ELF1: variants seen among roughly 807,000 people sequenced by gnomAD.
The protein encoded by ELF1 is E74 like ETS transcription factor 1, also known as ETS-related transcription factor Elf-1.
Under a neutral mutation model 59.9 loss-of-function variants are expected in ELF1, and 24 were observed. The observed-to-expected ratio is 0.40, with a 90% CI of 0.29 to 0.56. ELF1 has a LOEUF of 0.56. Ranked by LOEUF, ELF1 falls within the 20% of genes least tolerant of loss-of-function variation. ELF1 has a pLI of 0.44. For synonymous variants in ELF1, 248 were observed against 266.2 expected, an observed-to-expected ratio of 0.93 and a Z score of 0.67; for missense variants, 627 against 742.2, an observed-to-expected ratio of 0.84 and a Z score of 1.80.
intron 1 of ELF1, among the ~76,000 whole-genome samples, chr13:40,993,801 A>G (rs1873997230): frequency 6.6e-6 from 1 of 152,072 alleles, no homozygotes; most frequent in South Asian, 2.1e-4. Flanking sequence ...TTTAATTTAA[A>G]TTAGGCATTT....
At chr13:40,956,919 T>A (rs911762999) in intron 3 of ELF1, among the ~76,000 whole-genome samples, 3 of 151,584 alleles carry the variant, frequency 2.0e-5, no homozygotes, top group African/African-American at 7.3e-5. Context: ...CTCGAACTCC[T>A]GACCTCAAGT....
chr13:40,955,771 GC>G (rs1871335178), intron 3 of ELF1, among the ~76,000 whole-genome samples: 4 of 124,844 alleles, frequency 3.2e-5, no homozygotes, highest in African/African-American at 6.0e-5. Context: ...CGGGAGGGAG[GC>G]GGGGGGGTCA....
chr13:40,999,401 C>T (rs1874290192), intron 1 of ELF1, among the ~76,000 whole-genome samples: 1 of 152,048 alleles, frequency 6.6e-6, no homozygotes, highest in Non-Finnish European at 1.5e-5. Flanking sequence ...TGTATGCGTA[C>T]GTGAATGCCG....
intron 1 of ELF1, among the ~76,000 whole-genome samples, chr13:40,997,203 A>C (rs1268070896): frequency 6.6e-6 from 1 of 152,044 alleles, no homozygotes; most frequent in African/African-American, 2.4e-5. Flanking sequence ...GTGAAAAAAA[A>C]CCCTGAATGA....
intron 2 of ELF1, among the ~76,000 whole-genome samples, chr13:40,973,243 T>C (rs2138241471): frequency 6.6e-6 from 1 of 152,316 alleles, no homozygotes; most frequent in Non-Finnish European, 1.5e-5. Context: ...ACTTTCAACA[T>C]CACATTTAGT....
chr13:41,047,578 A>C (rs532505491), intron 1 of ELF1, among the ~76,000 whole-genome samples: 9 of 152,322 alleles, frequency 5.9e-5, no homozygotes, highest in East Asian at 1.9e-4. Flanking sequence ...TCAGCAGCAG[A>C]GGCTGCAGAA....
At chr13:41,002,913 T>C (rs1375390278) in intron 1 of ELF1, among the ~76,000 whole-genome samples, 4 of 152,126 alleles carry the variant, frequency 2.6e-5, no homozygotes, top group African/African-American at 9.6e-5. Flanking sequence ...AGACATATAA[T>C]AAATTTTTCT....
intron 3 of ELF1, among the ~76,000 whole-genome samples, chr13:40,955,511 C>A (rs1446282747): frequency 9.8e-6 from 1 of 101,568 alleles, no homozygotes; most frequent in African/African-American, 3.7e-5. Context: ...GTGAGGAGTC[C>A]CTCTGCCCGG....
chr13:41,017,388 T>C (rs972572320), intron 1 of ELF1, among the ~76,000 whole-genome samples: 1 of 152,206 alleles, frequency 6.6e-6, no homozygotes, highest in African/African-American at 2.4e-5. Flanking sequence ...TGTGGGCCAC[T>C]GTTTCTTCAT....
chr13:40,959,775 C>CT (rs1418359965), intron 2 of ELF1, among the ~76,000 whole-genome samples: 1 of 152,026 alleles, frequency 6.6e-6, no homozygotes, highest in African/African-American at 2.4e-5. Context: ...CTCCTAATGT[C>CT]TAGTTATAAT....
intron 1 of ELF1, among the ~76,000 whole-genome samples, chr13:41,045,486 T>G (rs1250453641): frequency 1.3e-5 from 2 of 152,214 alleles, no homozygotes; most frequent in Non-Finnish European, 2.9e-5. Context: ...TCTGGTATGT[T>G]GTGTCTTTGT....
At chr13:41,035,267 C>T (rs1205946642) in intron 1 of ELF1, among the ~76,000 whole-genome samples, 4 of 152,208 alleles carry the variant, frequency 2.6e-5, no homozygotes, top group Non-Finnish European at 4.4e-5. Context: ...AAGAACATTA[C>T]ATTCCGTATC....
intron 1 of ELF1, among the ~76,000 whole-genome samples, chr13:41,010,185 C>A (rs1874969001): frequency 6.8e-6 from 1 of 147,234 alleles, no homozygotes; most frequent in Non-Finnish European, 1.5e-5. Context: ...ATAAGAGGAT[C>A]GATTGAGCCC....
intron 7 of ELF1, among the ~76,000 whole-genome samples, chr13:40,942,217 AGTGTAT>A (rs1395078079): frequency 1.3e-5 from 2 of 152,222 alleles, no homozygotes; most frequent in Non-Finnish European, 2.9e-5. Flanking sequence ...GAACTTAAAA[AGTGTAT>A]GTTAAAAAAA....
chr13:40,932,552 T>G lies in ELF1; in HGVS notation c.*873A>C, dbSNP rs1869477459. 8.5e-5 allele frequency: 13 copies of G among 152,136 alleles called. No individual in the cohort carries two copies. The highest frequency in any genetic ancestry group is 8.5e-4 in the Admixed American group (13 of 15,266). The allele number at this position is 152,136 out of a possible 1,614,324, so 9.4% of individuals were successfully genotyped here. On this transcript the variant is annotated 3_prime_UTR_variant, in exon 9 of 9. Transcript: ENST00000239882. ...CCTAAAGAGTTAGTAAACAAATTAT[T>G]TAGGAAGAATTTATGGCAGATCTTA...
At chr13:40,969,478 C>CA (rs1170112372) in intron 2 of ELF1, among the ~76,000 whole-genome samples, 1 of 152,168 alleles carries the variant, frequency 6.6e-6, no homozygotes, top group Non-Finnish European at 1.5e-5. Context: ...AGTTGTCACA[C>CA]CATACAGGCT....
intron 1 of ELF1, among the ~76,000 whole-genome samples, chr13:40,988,116 G>A (rs1296940894): frequency 6.6e-6 from 1 of 152,144 alleles, no homozygotes; most frequent in Non-Finnish European, 1.5e-5. Flanking sequence ...ATGGTAGAAG[G>A]CTCTATATTA....
At chr13:40,959,145 T>C (rs1871647673) in intron 2 of ELF1, 129 bp from the exon 3 acceptor site, 2 of 1,287,918 alleles carry the variant, frequency 1.6e-6, no homozygotes, top group Non-Finnish European at 2.0e-6. Flanking sequence ...TGTATCTCTA[T>C]AATCTTTCTA....
At chr13:40,986,103 C>T (rs74514887) in intron 1 of ELF1, among the ~76,000 whole-genome samples, 1,574 of 152,262 alleles carry the variant, frequency 0.01, 32 homozygotes, top group African/African-American at 0.035. Context: ...CACAGGAATA[C>T]TTAGCAACAA....
Sources: allele counts gnomAD v4.1 joint callset (sites outside exome capture counted in the v4.1 genomes callset), GRCh38; gene constraint gnomAD v4.1.1; transcripts MANE v1.5; gene names NCBI Gene and HGNC (gene_info 2026-07-23, HGNC 2026-07-21).